Variants in USH2A observed in about 807,000 individuals in gnomAD.
USH2A encodes the protein Usher syndrome 2A (autosomal recessive, mild).
A neutral mutation model predicts 538.9 loss-of-function variants in USH2A; 443 were observed. That is an observed-to-expected ratio of 0.82 (90% confidence interval 0.76 to 0.89). The LOEUF is 0.89. USH2A is among the 40% of genes least tolerant of loss of function. The probability of loss-of-function intolerance (pLI) is 0.00; values close to 1 mark genes in which losing one functional copy is unlikely to be tolerated. For synonymous variants in USH2A, 2,413 were observed against 2,273.5 expected (o/e 1.06, Z -1.75); for missense variants, 6,633 against 6,324.8 (o/e 1.05, Z -1.65).
At chr1:216,230,173 T>C (rs2035648473) in intron 14 of USH2A, among the ~76,000 whole-genome samples, 1 of 152,130 alleles carries the variant, frequency 6.6e-6, no homozygotes, top group Non-Finnish European at 1.5e-5. Flanking sequence ...GTCAGAACTA[T>C]GAAAAAGACA....
intron 12 of USH2A, among the ~76,000 whole-genome samples, chr1:216,247,833 T>C (rs696722): frequency 0.021 from 3,129 of 152,222 alleles, 101 homozygotes; most frequent in African/African-American, 0.07. Flanking sequence ...CTGGAATTAA[T>C]CATTTTATAA....
chr1:215,998,711 T>C (rs1002065550), intron 34 of USH2A, among the ~76,000 whole-genome samples, 176 bp downstream of exon 34: 9 of 152,032 alleles, frequency 5.9e-5, no homozygotes, highest in Non-Finnish European at 1.0e-4. Flanking sequence ...AATGTGTAGG[T>C]ATTAGATCAC....
At chr1:216,114,845 T>G (rs200220868) in intron 21 of USH2A, among the ~76,000 whole-genome samples, 1 of 152,134 alleles carries the variant, frequency 6.6e-6, no homozygotes, top group South Asian at 2.1e-4. Flanking sequence ...TAGCTACAAA[T>G]ATAGAACTAT....
At chr1:216,078,482 T>C (rs1372197315) in intron 26 of USH2A, 120 bp from the exon 27 acceptor site, 2 of 879,918 alleles carry the variant, frequency 2.3e-6, no homozygotes, top group African/African-American at 1.7e-5. Context: ...AAGCACTCTA[T>C]AGAAATGTGT....
rs1571806166 is a variant in USH2A, at chr1:216,422,407, G to A, written c.-71C>T. Reference sequence around the variant, plus strand: ...ATAATCAGGCCCACGCCACTTGCCAGCAATACTTTGAAGCAGGGTACTTTA... The same window carrying A: ...ATAATCAGGCCCACGCCACTTGCCAACAATACTTTGAAGCAGGGTACTTTA... On this transcript the variant is annotated 5_prime_UTR_variant, in exon 2 of 72. Transcript: ENST00000307340. The A allele has an allele frequency of 2.5e-6, 4 of 1,602,324 alleles. No homozygotes were observed. In the East Asian group the frequency reaches 9.0e-5, roughly 36 times the overall value.
At chr1:216,191,904 T>C (rs2034723700) in intron 19 of USH2A, among the ~76,000 whole-genome samples, 1 of 152,058 alleles carries the variant, frequency 6.6e-6, no homozygotes, top group Admixed American at 6.6e-5. Context: ...TACACTAATA[T>C]TTATTTTGAA....
chr1:216,048,177 C>G (rs565927674), intron 31 of USH2A, among the ~76,000 whole-genome samples: 1 of 152,268 alleles, frequency 6.6e-6, no homozygotes, highest in African/African-American at 2.4e-5. Context: ...ACAATCAATT[C>G]TTTTTAGTCA....
At chr1:215,892,238 G>T (rs1253535647) in intron 40 of USH2A, among the ~76,000 whole-genome samples, 1 of 152,116 alleles carries the variant, frequency 6.6e-6, no homozygotes, top group Non-Finnish European at 1.5e-5. Flanking sequence ...GGTTTTGTGA[G>T]TCTTCTCTAC....
At chr1:215,735,691 T>C (rs1660136138) in intron 60 of USH2A, among the ~76,000 whole-genome samples, 1 of 151,890 alleles carries the variant, frequency 6.6e-6, no homozygotes, top group Admixed American at 6.6e-5. Flanking sequence ...TTCCAGACAT[T>C]TTTTTATATA....
chr1:215,877,699 T>G (rs1279787607), intron 43 of USH2A, 59 bp downstream of exon 43: 4 of 1,609,718 alleles, frequency 2.5e-6, no homozygotes, highest in Non-Finnish European at 3.4e-6. Flanking sequence ...TACTTTGAAC[T>G]ATTCAACATG....
At chr1:216,328,723 G>A (rs867869352) in intron 4 of USH2A, among the ~76,000 whole-genome samples, 83 of 152,058 alleles carry the variant, frequency 5.5e-4, no homozygotes, top group African/African-American at 2.0e-3. Flanking sequence ...ATTAGCACAC[G>A]AAGTAGTCTG....
At chr1:216,192,772 C>T (rs1324333245) in intron 19 of USH2A, among the ~76,000 whole-genome samples, 2 of 152,020 alleles carry the variant, frequency 1.3e-5, no homozygotes, top group Non-Finnish European at 2.9e-5. Flanking sequence ...CCATAAGGAA[C>T]AGCCTTTTAA....
intron 4 of USH2A, among the ~76,000 whole-genome samples, chr1:216,349,209 C>A (rs1265916184): frequency 6.6e-6 from 1 of 152,056 alleles, no homozygotes; most frequent in Non-Finnish European, 1.5e-5. Flanking sequence ...ATCCCAAAGA[C>A]AAGAGACCCT....
At chr1:216,194,751 T>C (rs1422376993) in intron 19 of USH2A, among the ~76,000 whole-genome samples, 1 of 152,100 alleles carries the variant, frequency 6.6e-6, no homozygotes, top group Admixed American at 6.6e-5. Context: ...GTTGACCTCT[T>C]CACATTCTGA....
chr1:215,720,764 A>G (rs1659634893), intron 61 of USH2A, among the ~76,000 whole-genome samples: 1 of 152,196 alleles, frequency 6.6e-6, no homozygotes, highest in African/African-American at 2.4e-5. Flanking sequence ...GTAAGAAATT[A>G]GCCAGAGAGT....
intron 3 of USH2A, among the ~76,000 whole-genome samples, chr1:216,377,872 A>AAGG (rs2038864046): frequency 6.9e-6 from 1 of 145,820 alleles, no homozygotes; most frequent in Non-Finnish European, 1.5e-5. Context: ...AGAAAGAAGG[A>AAGG]AAGAAAGAAA....
chr1:216,230,618 C>G (rs751636925), intron 14 of USH2A, among the ~76,000 whole-genome samples: 1 of 152,078 alleles, frequency 6.6e-6, no homozygotes, highest in African/African-American at 2.4e-5. Context: ...CCTGTCCACC[C>G]TCTAATGGAG....
chr1:216,359,127 T>C (rs2038443201), intron 4 of USH2A, among the ~76,000 whole-genome samples: 1 of 152,134 alleles, frequency 6.6e-6, no homozygotes, highest in Non-Finnish European at 1.5e-5. Flanking sequence ...AGTTCCTAAA[T>C]ATATAAGTTC....
intron 13 of USH2A, among the ~76,000 whole-genome samples, chr1:216,246,382 A>G (rs1180136950): frequency 2.0e-5 from 3 of 152,230 alleles, no homozygotes; most frequent in Non-Finnish European, 4.4e-5. Flanking sequence ...TATCTAAAGT[A>G]TCCTCTCAAA....
Sources: allele counts gnomAD v4.1 joint callset (sites outside exome capture counted in the v4.1 genomes callset), GRCh38; gene constraint gnomAD v4.1.1; transcripts MANE v1.5; gene names NCBI Gene and HGNC (gene_info 2026-07-23, HGNC 2026-07-21).